Variants in CTNNAL1 observed in about 807,000 individuals in gnomAD.
CTNNAL1 encodes the protein alpha-catulin.
In CTNNAL1, 69 loss-of-function variants were observed where a neutral mutation model predicts 93.6. That is an observed-to-expected ratio of 0.74 (90% confidence interval 0.61 to 0.90). The LOEUF (loss-of-function observed/expected upper bound fraction) is 0.90. Among genes scored for constraint, CTNNAL1 ranks in the 40% least tolerant of loss-of-function variants. CTNNAL1 has a pLI of 0.00. For synonymous variants in CTNNAL1, 286 were observed against 305.4 expected, an observed-to-expected ratio of 0.94 and a Z score of 0.66; for missense variants, 836 against 862.0, an observed-to-expected ratio of 0.97 and a Z score of 0.38.
In CTNNAL1 at chr9:108,986,492, G is replaced by A. The variant is rs200121796; in HGVS notation, c.640-2056C>T. Among the ~76,000 whole-genome samples the A allele has an allele frequency of 3.7e-3, 562 of 152,084 alleles. 7 individuals carry two copies. In the East Asian group the frequency reaches 0.048, roughly 13 times the overall value. ...GAATAGTGCCACAATAAACATACGTGTGCATGTGTCTTTACAGCAGCATGA... is the reference window on the plus strand; with the variant it reads ...GAATAGTGCCACAATAAACATACGTATGCATGTGTCTTTACAGCAGCATGA... On this transcript the variant is annotated intron_variant, in intron 4 of 18. Transcript: ENST00000325551.
intron 8 of CTNNAL1, among the ~76,000 whole-genome samples, chr9:108,973,923 A>C (rs1831189215): frequency 6.6e-6 from 1 of 152,218 alleles, no homozygotes; most frequent in Non-Finnish European, 1.5e-5. Flanking sequence ...AGAAACAAAG[A>C]AACTAAAATT....
At chr9:108,986,222 C>T (rs1831600530) in intron 4 of CTNNAL1, among the ~76,000 whole-genome samples, 1 of 149,846 alleles carries the variant, frequency 6.7e-6, no homozygotes, top group South Asian at 2.2e-4. Context: ...ATTCCCCTTC[C>T]TGTGTCCATG....
rs28361138 is a variant in CTNNAL1, at chr9:108,977,691, G to A, written c.1102-643C>T. On this transcript the variant is annotated intron_variant, in intron 7 of 18. Coordinates refer to ENST00000325551, the MANE Select transcript of CTNNAL1 (RefSeq NM_003798.4). ...CACTAAATCCACAGTACCTGGCATA[G>A]CAAATGGTAGGTCGTAGATATTCAA... Among the ~76,000 whole-genome samples the A allele has an allele frequency of 4.9e-3, 753 of 152,232 alleles. 2 individuals carry two copies. The highest frequency in any genetic ancestry group is 7.7e-3 in the Non-Finnish European group (525 of 68,030).
intron 11 of CTNNAL1, 136 bp from the exon 12 acceptor site, chr9:108,955,963 A>G (rs1035823934): frequency 7.5e-6 from 4 of 530,966 alleles, no homozygotes; most frequent in Non-Finnish European, 1.3e-5. Context: ...TATTCATTAC[A>G]TAAAATTCAG....
intron 15 of CTNNAL1, among the ~76,000 whole-genome samples, chr9:108,946,578 C>T (rs950696047): frequency 2.0e-5 from 3 of 152,120 alleles, no homozygotes; most frequent in Non-Finnish European, 2.9e-5. Context: ...GTATTCTAGT[C>T]GTACGTGATT....
At chr9:108,964,557 C>T (rs990514515) in intron 11 of CTNNAL1, among the ~76,000 whole-genome samples, 1 of 152,106 alleles carries the variant, frequency 6.6e-6, no homozygotes, top group African/African-American at 2.4e-5. Flanking sequence ...CACTATTCTA[C>T]ATGTTGTAGA....
At chr9:108,986,847 T>C (rs1438195351) in intron 4 of CTNNAL1, among the ~76,000 whole-genome samples, 50 of 152,368 alleles carry the variant, frequency 3.3e-4, no homozygotes, top group Non-Finnish European at 6.5e-4. Context: ...TGTCTGTTCA[T>C]ATCCTTTGCC....
intron 6 of CTNNAL1, among the ~76,000 whole-genome samples, chr9:108,980,857 C>G (rs554568833): frequency 1.3e-5 from 2 of 152,152 alleles, no homozygotes; most frequent in South Asian, 4.1e-4. Flanking sequence ...TTTTAGACAG[C>G]AACTTAGTGG....
intron 2 of CTNNAL1, among the ~76,000 whole-genome samples, chr9:108,997,110 A>T (rs890809310): frequency 6.6e-6 from 1 of 152,246 alleles, no homozygotes; most frequent in Non-Finnish European, 1.5e-5. Context: ...ATAAATTATG[A>T]ATAGAATAAG....
chr9:108,966,120 C>T (rs1437684311), intron 10 of CTNNAL1, among the ~76,000 whole-genome samples: 2 of 152,114 alleles, frequency 1.3e-5, no homozygotes, highest in Non-Finnish European at 2.9e-5. Context: ...CTCCGAGATA[C>T]CCAGTAACTT....
chr9:108,963,272 C>A (rs942173551), intron 11 of CTNNAL1, among the ~76,000 whole-genome samples: 1 of 152,160 alleles, frequency 6.6e-6, no homozygotes, highest in Non-Finnish European at 1.5e-5. Context: ...GACCAAAATG[C>A]TGGTAGAACA....
intron 8 of CTNNAL1, 31 bp from the exon 9 acceptor site, chr9:108,972,864 G>GGGGGGGGGCGCCCCCCC: frequency 2.1e-5 from 3 of 142,542 alleles, no homozygotes; most frequent in Non-Finnish European, 3.0e-5. Flanking sequence ...GGGGGGGTGG[G>GGGGGGGGGCGCCCCCCC]AGGGTGGAGA....
chr9:108,987,413 A>G (rs1340529292), intron 4 of CTNNAL1, among the ~76,000 whole-genome samples: 4 of 152,138 alleles, frequency 2.6e-5, no homozygotes, highest in Non-Finnish European at 5.9e-5. Context: ...CCAGTACCAT[A>G]CTGTTTTGGT....
chr9:108,995,073 A>T (rs1378919522), intron 2 of CTNNAL1, among the ~76,000 whole-genome samples: 1 of 152,214 alleles, frequency 6.6e-6, no homozygotes, highest in Non-Finnish European at 1.5e-5. Context: ...CCACTCCCTG[A>T]TTGGTGCCCT....
chr9:108,954,217 T>A (rs1334357849), intron 12 of CTNNAL1, among the ~76,000 whole-genome samples: 1 of 152,126 alleles, frequency 6.6e-6, no homozygotes, highest in East Asian at 1.9e-4. Context: ...TTCGTTTCAG[T>A]TATATAAAGC....
chr9:108,997,446 T>C (rs535893311), intron 2 of CTNNAL1, among the ~76,000 whole-genome samples: 10 of 152,362 alleles, frequency 6.6e-5, no homozygotes, highest in Admixed American at 2.0e-4. Flanking sequence ...TGAAATGTTC[T>C]TGTTTTGAAA....
At chr9:108,984,580 C>G in intron 4 of CTNNAL1, 144 bp from the exon 5 acceptor site, 1 of 542,360 alleles carries the variant, frequency 1.8e-6, no homozygotes, top group Non-Finnish European at 3.2e-6. Context: ...TAAAGTTTTA[C>G]AAACTGTCAC....
intron 18 of CTNNAL1, 29 bp from the exon 19 acceptor site, chr9:108,942,863 G>C (rs1339671385): frequency 5.0e-6 from 8 of 1,612,268 alleles, no homozygotes; most frequent in Non-Finnish European, 6.8e-6. Flanking sequence ...ATTAGTATCT[G>C]GTTTCACTCT....
intron 14 of CTNNAL1, chr9:108,950,865 T>C (rs1830541730): frequency 2.9e-6 from 1 of 342,682 alleles, no homozygotes. Context: ...AGGGATCATT[T>C]TTCAAAACTT....
Sources: allele counts gnomAD v4.1 joint callset (sites outside exome capture counted in the v4.1 genomes callset), GRCh38; gene constraint gnomAD v4.1.1; transcripts MANE v1.5; gene names NCBI Gene and HGNC (gene_info 2026-07-23, HGNC 2026-07-21).